CDH2: variants seen among roughly 807,000 people sequenced by gnomAD.
CDH2 encodes cadherin 2.
A neutral mutation model predicts 92.0 loss-of-function variants in CDH2; 17 were observed. The observed-to-expected ratio is 0.18, with a 90% confidence interval of 0.13 to 0.28. CDH2 has a LOEUF of 0.28. CDH2 is among the 10% of genes least tolerant of loss of function. The pLI is 1.00. For synonymous variants in CDH2, 419 were observed against 415.9 expected (o/e 1.01, Z -0.09); for missense variants, 862 against 1,133.1 (o/e 0.76, Z 3.44).
At chr18:28,065,046 C>G (rs935667264) in intron 2 of CDH2, among the ~76,000 whole-genome samples, 5 of 152,064 alleles carry the variant, frequency 3.3e-5, no homozygotes, top group African/African-American at 1.2e-4. Flanking sequence ...CCAAGGAAGT[C>G]ACAAATGAAG....
chr18:28,116,528 T>C (rs2015498990), intron 2 of CDH2, among the ~76,000 whole-genome samples: 1 of 152,194 alleles, frequency 6.6e-6, no homozygotes, highest in East Asian at 1.9e-4. Context: ...ACTATTTCAA[T>C]AGGAAGTCAG....
rs186816068 is a variant in CDH2 at position 28,111,134 on chromosome 18, C to T, written c.172+36539G>A. 3.6e-3 allele frequency among the ~76,000 whole-genome samples: 555 copies of T among 152,312 alleles called. 3 individuals are homozygous for T. The highest frequency in any genetic ancestry group is 6.8e-3 in the Middle Eastern group (2 of 294). On this transcript the variant is annotated intron_variant, in intron 2 of 15. Transcript: ENST00000269141. ...AGTCTGCAGTGGCGCCCCTGGCCTA[C>T]TTACAGGCATTGGAAAGAGGCAAAT... is the stretch of plus-strand genomic sequence containing the variant.
chr18:27,937,061 G>A (rs1270990201), intron 6 of CDH2, among the ~76,000 whole-genome samples: 2 of 152,094 alleles, frequency 1.3e-5, no homozygotes, highest in East Asian at 1.9e-4. Context: ...CTTCATATGA[G>A]GATAGCCAAC....
At chr18:27,940,006 G>A (rs1337585496) in intron 6 of CDH2, among the ~76,000 whole-genome samples, 1 of 152,152 alleles carries the variant, frequency 6.6e-6, no homozygotes, top group East Asian at 1.9e-4. Context: ...CCACCCTGAA[G>A]GACCAATATA....
chr18:28,053,573 A>G (rs928372028), intron 2 of CDH2, among the ~76,000 whole-genome samples: 1 of 152,184 alleles, frequency 6.6e-6, no homozygotes, highest in African/African-American at 2.4e-5. Flanking sequence ...TTAGCTAGTC[A>G]CTGGAAGCAG....
rs189881559 is a variant in CDH2, at chr18:27,950,981, G to C, written c.*1172C>G. ...AAACCAGTCACCAGATCCAAAATTAGCATTTTATTCAGAACGCTGGGGTCA... is the reference window on the plus strand; with the variant it reads ...AAACCAGTCACCAGATCCAAAATTACCATTTTATTCAGAACGCTGGGGTCA... On this transcript the variant is annotated 3_prime_UTR_variant, in exon 16 of 16. Coordinates refer to ENST00000269141, the MANE Select transcript of CDH2 (RefSeq NM_001792.5). The C allele has an allele frequency of 6.6e-6, 1 of 152,540 alleles. No homozygotes were observed. The highest frequency in any genetic ancestry group is 1.9e-4 in the East Asian group (1 of 5,172). The allele number at this position is 152,540 out of a possible 1,614,324, so 9.4% of individuals were successfully genotyped here. A position where few individuals can be genotyped will look rare whatever the true frequency, so the allele number is the denominator to read the frequency against.
chr18:28,016,617 T>C (rs7244253), intron 2 of CDH2, among the ~76,000 whole-genome samples: 7,283 of 152,292 alleles, frequency 0.048, 595 homozygotes, highest in African/African-American at 0.17. Flanking sequence ...GTTTCTGTTC[T>C]GCAGATGAGG....
At chr18:28,087,519 C>T (rs2014955988) in intron 2 of CDH2, among the ~76,000 whole-genome samples, 1 of 152,098 alleles carries the variant, frequency 6.6e-6, no homozygotes, top group South Asian at 2.1e-4. Context: ...TGAAATGACA[C>T]CAGTTAGATA....
chr18:28,095,855 G>GAC (rs1328687429), intron 2 of CDH2, among the ~76,000 whole-genome samples: 1 of 143,330 alleles, frequency 7.0e-6, no homozygotes, highest in Middle Eastern at 3.4e-3. Flanking sequence ...ACATACTAAT[G>GAC]ACTAAGTTCC....
At chr18:27,987,211 A>G (rs11564419) in intron 11 of CDH2, among the ~76,000 whole-genome samples, 84 of 152,364 alleles carry the variant, frequency 5.5e-4, no homozygotes, top group Non-Finnish European at 9.8e-4. Context: ...TTCAAGATGC[A>G]TTACTTTCAG....
At chr18:28,134,953 C>T (rs150760915) in intron 2 of CDH2, among the ~76,000 whole-genome samples, 2 of 152,202 alleles carry the variant, frequency 1.3e-5, no homozygotes, top group African/African-American at 4.8e-5. Context: ...TCAGAAGCAG[C>T]CGTTCTGAGA....
intron 2 of CDH2, among the ~76,000 whole-genome samples, chr18:28,135,818 A>G (rs1380299845): frequency 6.6e-6 from 1 of 152,202 alleles, no homozygotes; most frequent in Non-Finnish European, 1.5e-5. Context: ...AAGGTGGTCC[A>G]TTATTTTTTA....
chr18:28,161,654 G>A (rs2016308397), intron 1 of CDH2, among the ~76,000 whole-genome samples: 1 of 150,850 alleles, frequency 6.6e-6, no homozygotes, highest in Non-Finnish European at 1.5e-5. Context: ...AGTCTGTCCT[G>A]ACAGATGCCC....
At chr18:28,036,510 C>A in intron 2 of CDH2, 1 of 1,606,598 alleles carries the variant, frequency 6.2e-7, no homozygotes, top group Non-Finnish European at 8.5e-7. Flanking sequence ...TCTTTAATTT[C>A]TCAGTGAAGA....
At chr18:28,056,544 T>A (rs2014296959) in intron 2 of CDH2, among the ~76,000 whole-genome samples, 1 of 152,132 alleles carries the variant, frequency 6.6e-6, no homozygotes, top group Non-Finnish European at 1.5e-5. Context: ...CCTACAATTA[T>A]GTAACTTTCT....
At chr18:28,095,633 C>A (rs1293415268) in intron 2 of CDH2, among the ~76,000 whole-genome samples, 1 of 151,702 alleles carries the variant, frequency 6.6e-6, no homozygotes, top group East Asian at 1.9e-4. Flanking sequence ...GCCTTGGCAA[C>A]ACGGTAAAAC....
intron 2 of CDH2, among the ~76,000 whole-genome samples, chr18:28,108,941 T>C (rs890482977): frequency 1.3e-5 from 2 of 152,148 alleles, no homozygotes; most frequent in Admixed American, 1.3e-4. Context: ...AACTCAAGTT[T>C]AGTCATACCT....
chr18:27,963,671 G>A (rs2011467355), intron 14 of CDH2, 150 bp from the exon 15 acceptor site: 2 of 622,220 alleles, frequency 3.2e-6, no homozygotes, highest in Non-Finnish European at 5.6e-6. Flanking sequence ...TTCATGTTAT[G>A]ATTAAATATT....
intron 2 of CDH2, among the ~76,000 whole-genome samples, chr18:28,023,568 AC>A (rs2013467324): frequency 6.6e-6 from 1 of 152,092 alleles, no homozygotes; most frequent in African/African-American, 2.4e-5. Context: ...CAAGTGATCC[AC>A]CTGCCTTGGC....
Sources: gnomAD v4.1 joint callset for allele counts (sites outside exome capture counted in the v4.1 genomes callset) on GRCh38, gnomAD v4.1.1 for gene constraint, MANE v1.5 for transcripts, NCBI Gene and HGNC (gene_info 2026-07-23, HGNC 2026-07-21) for gene names.